The following FRK variants were observed in gnomAD, a reference collection of about 807,000 sequenced individuals.
FRK encodes the protein fyn related Src family tyrosine kinase, also known as tyrosine-protein kinase FRK.
Under a neutral mutation model 56.4 loss-of-function variants are expected in FRK, and 51 were observed. The observed-to-expected ratio is 0.90, with a 90% confidence interval of 0.72 to 1.14. FRK has a LOEUF of 1.14. Among genes scored for constraint, FRK ranks in the 50% most tolerant of loss-of-function variants. The pLI is 0.00. For synonymous variants in FRK, 245 were observed against 217.9 expected (o/e 1.12, Z -1.10); for missense variants, 570 against 601.4 (o/e 0.95, Z 0.55).
At chr6:116,002,488 G>A (rs185745154) in intron 2 of FRK, among the ~76,000 whole-genome samples, 5 of 152,250 alleles carry the variant, frequency 3.3e-5, no homozygotes, top group South Asian at 2.1e-4. Context: ...ATAGTGGCAC[G>A]CGCCTGTAGT....
intron 1 of FRK, among the ~76,000 whole-genome samples, chr6:116,030,622 T>A (rs1290014477): frequency 6.6e-6 from 1 of 152,112 alleles, no homozygotes; most frequent in Non-Finnish European, 1.5e-5. Flanking sequence ...AAAGAACATG[T>A]GGATGTGTCT....
rs755337810 is a variant in FRK at position 115,967,743 on chromosome 6, A to G, written c.631-24T>C. On this transcript the variant is annotated intron_variant, in intron 3 of 7. Transcript: ENST00000606080. Reference sequence around the variant, plus strand: ...ATCTGTTTCATAGAATAATAAGAGCAATTGTTAAAAAAAAAAAAGTAGATT... The same window carrying G: ...ATCTGTTTCATAGAATAATAAGAGCGATTGTTAAAAAAAAAAAAGTAGATT... 1.1e-5 allele frequency: 16 copies of G among 1,394,668 alleles called. No homozygotes were observed. The Admixed American group carries it at 3.6e-4, about 31-fold the overall frequency. 86.4% of individuals were successfully genotyped at this position (1,394,668 alleles called of 1,614,324 possible). A position where few individuals can be genotyped will look rare whatever the true frequency, so the allele number is the denominator to read the frequency against.
the FRK span, among the ~76,000 whole-genome samples, chr6:116,083,865 T>C: frequency 1.3e-5 from 2 of 151,986 alleles, no homozygotes; most frequent in Non-Finnish European, 2.9e-5. Flanking sequence ...CTCATTATGT[T>C]GCCCAGGCTG....
intron 2 of FRK, among the ~76,000 whole-genome samples, chr6:115,993,031 T>C (rs1482606896): frequency 6.6e-6 from 1 of 151,872 alleles, no homozygotes; most frequent in African/African-American, 2.4e-5. Flanking sequence ...TGAAATTTTC[T>C]AGGTTTAATA....
intron 1 of FRK, among the ~76,000 whole-genome samples, chr6:116,056,414 G>T (rs1777402096): frequency 6.6e-6 from 1 of 151,944 alleles, no homozygotes. Flanking sequence ...TAGAGACTGG[G>T]TCTCACTATG....
the FRK span, among the ~76,000 whole-genome samples, chr6:116,090,744 C>T: frequency 2.3e-4 from 35 of 152,228 alleles, no homozygotes; most frequent in East Asian, 6.8e-3. Context: ...AGAAGCCCCA[C>T]ACCCCCAAAA....
Position 116,010,178 on chromosome 6 carries a change from T to C in FRK, c.345-6180A>G, listed in dbSNP as rs139482801. 9.0e-3 allele frequency among the ~76,000 whole-genome samples: 1,358 copies of C among 151,688 alleles called. 22 individuals are homozygous for C. The highest frequency in any genetic ancestry group is 0.027 in the Middle Eastern group (8 of 294). On this transcript the variant is annotated intron_variant, in intron 1 of 7. Transcript: ENST00000606080. ...CGGAGGTTGCAGTGAGCCGAGATCA[T>C]GCCATCGCCTGGGCAACAGAGTGAG...
At position 115,931,932 on chromosome 6, in the gene FRK, G is replaced by A. The variant is rs2114482693; in HGVS notation, c.*10482C>T. 6.6e-6 allele frequency: 1 copy of A among 152,230 alleles called. No individual in the cohort carries two copies. The highest frequency in any genetic ancestry group is 2.4e-5 in the African/African-American group (1 of 41,548). 9.4% of individuals were successfully genotyped at this position (152,230 alleles called of 1,614,324 possible). On this transcript the variant is annotated 3_prime_UTR_variant, in exon 8 of 8. Coordinates refer to ENST00000606080, the MANE Select transcript of FRK (RefSeq NM_002031.3). ...AACTGGACACTTGAGGTGTGTTTGA[G>A]ATATAGCACCCTTTTCTGGAAAAGC...
chr6:115,962,221 A>G (rs1773401498), intron 4 of FRK, among the ~76,000 whole-genome samples: 2 of 131,784 alleles, frequency 1.5e-5, no homozygotes, highest in Non-Finnish European at 3.2e-5. Flanking sequence ...CCAATGGAAA[A>G]CAAAAAAAGG....
chr6:115,991,053 CT>C (rs1251063633), intron 2 of FRK, among the ~76,000 whole-genome samples: 8 of 151,636 alleles, frequency 5.3e-5, no homozygotes, highest in Non-Finnish European at 1.2e-4. Flanking sequence ...AGACTGAGTT[CT>C]TGATTGGTTC....
At chr6:116,028,802 C>T (rs73562558) in intron 1 of FRK, among the ~76,000 whole-genome samples, 51 of 152,196 alleles carry the variant, frequency 3.4e-4, no homozygotes, top group African/African-American at 1.2e-3. Flanking sequence ...AGGGTAAAGG[C>T]GGTTGGGGAC....
intron 1 of FRK, among the ~76,000 whole-genome samples, chr6:116,017,769 C>CAG (rs1381954654): frequency 6.6e-6 from 1 of 152,172 alleles, no homozygotes; most frequent in Admixed American, 6.6e-5. Flanking sequence ...ATTTGAAAAA[C>CAG]ACAGCTGTTT....
At chr6:116,000,814 A>T (rs1464804568) in intron 2 of FRK, among the ~76,000 whole-genome samples, 2 of 152,232 alleles carry the variant, frequency 1.3e-5, no homozygotes, top group African/African-American at 2.4e-5. Context: ...TAGCAGCAAA[A>T]TAATTAAAAT....
chr6:116,034,000 G>T (rs975324728), intron 1 of FRK, among the ~76,000 whole-genome samples: 2 of 152,082 alleles, frequency 1.3e-5, no homozygotes, highest in Non-Finnish European at 1.5e-5. Context: ...AAAGAAAATG[G>T]AAATCAGAAC....
intron 1 of FRK, among the ~76,000 whole-genome samples, chr6:116,035,218 A>C (rs993540018): frequency 6.6e-6 from 1 of 152,006 alleles, no homozygotes; most frequent in Admixed American, 6.6e-5. Flanking sequence ...AAGAGTTAAG[A>C]ATACTGATTT....
intron 2 of FRK, among the ~76,000 whole-genome samples, chr6:115,974,224 C>T (rs1773913019): frequency 2.0e-5 from 3 of 152,168 alleles, no homozygotes; most frequent in Admixed American, 1.3e-4. Context: ...CAAATTCCTT[C>T]ATAGTGCACC....
intron 1 of FRK, 42 bp downstream of exon 1, chr6:116,059,926 C>G: frequency 6.6e-7 from 1 of 1,518,326 alleles, no homozygotes; most frequent in East Asian, 2.3e-5. Flanking sequence ...TTACCCAGCC[C>G]TCAGAGAGTT....
intron 2 of FRK, among the ~76,000 whole-genome samples, chr6:115,969,934 A>G (rs1301475570): frequency 1.3e-5 from 2 of 152,180 alleles, no homozygotes; most frequent in African/African-American, 2.4e-5. Flanking sequence ...TGCACTTTAT[A>G]CCTATGCTTT....
the FRK span, among the ~76,000 whole-genome samples, chr6:116,097,132 T>G: frequency 6.9e-6 from 1 of 145,276 alleles, no homozygotes; most frequent in Non-Finnish European, 1.5e-5. Context: ...ATTTTAAGAT[T>G]ACTAAAAAAA....
Sources: gnomAD v4.1 joint callset for allele counts (sites outside exome capture counted in the v4.1 genomes callset) on GRCh38, gnomAD v4.1.1 for gene constraint, MANE v1.5 for transcripts, NCBI Gene and HGNC (gene_info 2026-07-23, HGNC 2026-07-21) for gene names.